PLXDC1: variants seen among roughly 807,000 people sequenced by gnomAD.
PLXDC1 encodes the protein plexin domain-containing protein 1.
PLXDC1 carries 39 observed loss-of-function variants against 61.3 expected under a neutral mutation model. That is an observed-to-expected ratio of 0.64 (90% CI 0.49 to 0.83). The LOEUF (loss-of-function observed/expected upper bound fraction) is 0.83, where lower values mean the gene tolerates loss of function less well. Among genes scored for constraint, PLXDC1 ranks in the 40% least tolerant of loss-of-function variants. PLXDC1 has a pLI of 0.00. For synonymous variants in PLXDC1, 212 were observed against 254.5 expected (o/e 0.83, Z 1.59); for missense variants, 596 against 666.5 (o/e 0.89, Z 1.17).
At chr17:39,128,668 A>C (rs1911431825) in intron 2 of PLXDC1, among the ~76,000 whole-genome samples, 1 of 152,184 alleles carries the variant, frequency 6.6e-6, no homozygotes, top group Non-Finnish European at 1.5e-5. Context: ...ACACAGAGTT[A>C]CCATATGACC....
At position 39,063,601 on chromosome 17, in the gene PLXDC1, AC is replaced by A. The variant is rs1908788996; in HGVS notation, c.*4238del. On this transcript the variant is annotated 3_prime_UTR_variant, in exon 14 of 14. Transcript: ENST00000315392. ...CCAAATCCTTTGCACTTTCTTTTGCACACAGCAGGAGTTGTAAAAGAATGCT... is the reference window on the plus strand; with the variant it reads ...CCAAATCCTTTGCACTTTCTTTTGCAACAGCAGGAGTTGTAAAAGAATGCT... The A allele has an allele frequency of 4.8e-5, 32 of 673,148 alleles. 1 individual carries two copies. In the South Asian group the frequency reaches 5.2e-4, roughly 11 times the overall value. The allele number at this position is 673,148 out of a possible 1,614,324, so 41.7% of individuals were successfully genotyped here.
Position 39,105,895 on chromosome 17 carries a change from G to C in PLXDC1, c.770C>G (p.Ser257Trp). 6.2e-7 allele frequency: 1 copy of C among 1,613,964 alleles called. No homozygotes were observed. The highest frequency in any genetic ancestry group is 8.5e-7 in the Non-Finnish European group (1 of 1,179,864). The change falls in exon 7 of 14, where the codon TCG (serine) becomes TGG (tryptophan). Residue 257 changes from serine to tryptophan, a missense_variant. Transcript: ENST00000315392. ...SSQHPVKTGL[S>W]DAFMILNPSP... Reference sequence around the variant, plus strand: ...TGGATTGAGAATCATGAAGGCATCCGATAGGCCGGTTTTGACAGGATGCTG... The same window carrying C: ...TGGATTGAGAATCATGAAGGCATCCCATAGGCCGGTTTTGACAGGATGCTG...
At chr17:39,090,210 C>T (rs548255501) in intron 7 of PLXDC1, among the ~76,000 whole-genome samples, 3 of 152,322 alleles carry the variant, frequency 2.0e-5, no homozygotes, top group African/African-American at 7.2e-5. Context: ...CAACACAATG[C>T]CCTGCTGCAG....
chr17:39,128,293 C>A (rs919858507), intron 2 of PLXDC1, among the ~76,000 whole-genome samples: 2 of 151,244 alleles, frequency 1.3e-5, no homozygotes, highest in Non-Finnish European at 2.9e-5. Flanking sequence ...TCTCGGCTCA[C>A]TGCAACCTCC....
At chr17:39,134,725 C>T (rs970965603) in intron 2 of PLXDC1, among the ~76,000 whole-genome samples, 10 of 152,060 alleles carry the variant, frequency 6.6e-5, no homozygotes, top group East Asian at 3.8e-4. Flanking sequence ...ATACCCCAAA[C>T]GCCTTCTACC....
At chr17:39,142,541 G>C (rs1456929221) in intron 1 of PLXDC1, among the ~76,000 whole-genome samples, 2 of 152,016 alleles carry the variant, frequency 1.3e-5, no homozygotes, top group East Asian at 3.9e-4. Flanking sequence ...CTTTTTTTGA[G>C]ACAGGGTCTC....
intron 2 of PLXDC1, among the ~76,000 whole-genome samples, chr17:39,134,498 T>G (rs1911672320): frequency 6.6e-6 from 1 of 150,982 alleles, no homozygotes; most frequent in Non-Finnish European, 1.5e-5. Context: ...TGGTAGCATG[T>G]GCCTGTAGTC....
intron 2 of PLXDC1, among the ~76,000 whole-genome samples, chr17:39,122,366 G>C (rs1333841674): frequency 1.7e-5 from 2 of 120,248 alleles, no homozygotes; most frequent in Non-Finnish European, 3.3e-5. Context: ...GTGACAGAGC[G>C]AGACTCTGTC....
chr17:39,149,207 G>A (rs1016967534), intron 1 of PLXDC1, among the ~76,000 whole-genome samples: 9 of 152,146 alleles, frequency 5.9e-5, no homozygotes, highest in Admixed American at 1.3e-4. Context: ...CATCAGGAGC[G>A]AGGGGAGATC....
chr17:39,118,430 C>T (rs1911061694), intron 2 of PLXDC1, among the ~76,000 whole-genome samples: 1 of 152,046 alleles, frequency 6.6e-6, no homozygotes, highest in Non-Finnish European at 1.5e-5. Flanking sequence ...TCTTGAACTC[C>T]TGACCTCAGG....
chr17:39,101,738 GA>G (rs1237938643), intron 7 of PLXDC1, among the ~76,000 whole-genome samples: 1 of 152,156 alleles, frequency 6.6e-6, no homozygotes, highest in African/African-American at 2.4e-5. Context: ...GTCCCAAGTA[GA>G]AGCAGCAAAA....
At chr17:39,106,966 TC>T (rs1356170543) in intron 6 of PLXDC1, among the ~76,000 whole-genome samples, 2 of 152,138 alleles carry the variant, frequency 1.3e-5, no homozygotes, top group Non-Finnish European at 2.9e-5. Context: ...CTGCCTTCTT[TC>T]AGTGCTTTGT....
chr17:39,123,002 C>T (rs1047923171), intron 2 of PLXDC1, among the ~76,000 whole-genome samples: 3 of 152,144 alleles, frequency 2.0e-5, no homozygotes, highest in African/African-American at 4.8e-5. Context: ...CACAGCAGCC[C>T]GTGAAGCGCT....
At position 39,108,137 on chromosome 17, in the gene PLXDC1, A is replaced by G; in HGVS notation, c.578T>C (p.Val193Ala). 1.9e-6 allele frequency: 3 copies of G among 1,614,190 alleles called. No individual in the cohort carries two copies. Among genetic ancestry groups the G allele is most frequent in the Non-Finnish European group, 2.5e-6 (3 of 1,180,034 alleles). The change falls in exon 5 of 14, where the codon GTT becomes GCT. Residue 193 changes from valine to alanine, a missense_variant. Transcript: ENST00000315392. ...TCCAGTCTCACCATTGTCAAAGTAA[A>G]CAACTGTGGAGTTGTCGGAGTAGCC... ...NPGYSDNSTV[V>A]YFDNGTVFVV...
intron 1 of PLXDC1, among the ~76,000 whole-genome samples, chr17:39,148,955 G>A (rs1385262681): frequency 6.6e-6 from 1 of 152,088 alleles, no homozygotes; most frequent in Non-Finnish European, 1.5e-5. Context: ...CTGGCCTCCT[G>A]CAGGACTCCC....
At chr17:39,087,138 G>T (rs933667082) in intron 8 of PLXDC1, among the ~76,000 whole-genome samples, 110 of 152,324 alleles carry the variant, frequency 7.2e-4, no homozygotes, top group Non-Finnish European at 1.0e-3. Flanking sequence ...AGGGTCCCAT[G>T]GTTTATGGAG....
chr17:39,134,173 GA>G (rs1285218465), intron 2 of PLXDC1, among the ~76,000 whole-genome samples: 1 of 151,660 alleles, frequency 6.6e-6, no homozygotes, highest in African/African-American at 2.4e-5. Context: ...AGAATGGTGT[GA>G]ACCTGGGAGG....
chr17:39,100,341 C>T (rs1275791296), intron 7 of PLXDC1, among the ~76,000 whole-genome samples: 4 of 152,122 alleles, frequency 2.6e-5, no homozygotes, highest in Admixed American at 6.5e-5. Context: ...CTGCAAGCTC[C>T]GCCCCTCGGG....
chr17:39,116,921 GC>G (rs1297655245), intron 2 of PLXDC1, among the ~76,000 whole-genome samples: 1 of 152,328 alleles, frequency 6.6e-6, no homozygotes, highest in Admixed American at 6.5e-5. Context: ...GTCTGATGTG[GC>G]CCCCGATTAT....
Sources: allele counts gnomAD v4.1 joint callset (sites outside exome capture counted in the v4.1 genomes callset), GRCh38; gene constraint gnomAD v4.1.1; transcripts MANE v1.5; gene names NCBI Gene and HGNC (gene_info 2026-07-23, HGNC 2026-07-21).